The following FAM186A variants were observed in gnomAD, a reference collection of about 807,000 sequenced individuals.
The protein encoded by FAM186A is protein FAM186A.
FAM186A carries 163 observed loss-of-function variants against 216.8 expected under a neutral mutation model. That is an observed-to-expected ratio of 0.75 (90% confidence interval 0.66 to 0.86). The LOEUF is 0.86. Among genes scored for constraint, FAM186A ranks in the 40% least tolerant of loss-of-function variants. The pLI, the probability that FAM186A is intolerant of heterozygous loss-of-function variation, is 0.00. For synonymous variants in FAM186A, 805 were observed against 1,025.3 expected (o/e 0.79, Z 4.10); for missense variants, 2,184 against 2,746.2 (o/e 0.80, Z 4.58).
intron 3 of FAM186A, among the ~76,000 whole-genome samples, chr12:50,360,391 G>GT (rs35875720): frequency 0.33 from 48,300 of 146,138 alleles, 8,110 homozygotes; most frequent in South Asian, 0.48. Context: ...CAATAAAGCT[G>GT]TTTTTTTTTT....
chr12:50,358,319 G>A (rs1942997962), intron 3 of FAM186A, among the ~76,000 whole-genome samples: 1 of 152,130 alleles, frequency 6.6e-6, no homozygotes, highest in South Asian at 2.1e-4. Context: ...GGTGACTCAT[G>A]CCTATAATCC....
chr12:50,353,679 G>T lies in FAM186A; in HGVS notation c.3153C>A (p.Pro1051=), dbSNP rs1323003358. The change falls in exon 4 of 8, where the codon CCC becomes CCA. Residue 1051 remains proline, a synonymous_variant. Coordinates refer to ENST00000327337, the MANE Select transcript of FAM186A (RefSeq NM_001145475.3). ...DEKEPISITP[P]PSLQYSLPGA... The stretch of plus-strand genomic sequence containing the variant: ...CAGGCAGGGAGTATTGTAGGGAGGG[G>T]GGAGGTGTGATTGATATGGGCTCCT... 1.3e-6 allele frequency: 2 copies of T among 1,538,212 alleles called. No individual in the cohort carries two copies. The highest frequency in any genetic ancestry group is 1.8e-6 in the Non-Finnish European group (2 of 1,142,160).
At position 50,327,390 on chromosome 12, in the gene FAM186A, G is replaced by A; in HGVS notation, c.7049C>T (p.Pro2350Leu). The A allele has an allele frequency of 6.5e-7, 1 of 1,547,172 alleles. No homozygotes were observed. The highest frequency in any genetic ancestry group is 8.7e-7 in the Non-Finnish European group (1 of 1,144,116). Residue 2350 changes from proline to leucine, a missense_variant, in exon 8 of 8, where the codon CCC becomes CTC. Pro to Leu is a moderately conservative substitution (Grantham distance 98, BLOSUM62 -3). Around this residue, in one of 7 missense-constraint regions of FAM186A, gnomAD observed 721 missense variants for 816.4 expected, o/e 0.88. Transcript: ENST00000327337. ...TTGTATTTAATTTTACAGTCATTTG[G>A]GAATCTTCTTAACCCTGGAAATGAG... ...ASLQSRVKKIPK is the reference protein window; with the variant it reads ...ASLQSRVKKILK
At chr12:50,357,676 T>C (rs1045258957) in intron 3 of FAM186A, among the ~76,000 whole-genome samples, 26 of 152,174 alleles carry the variant, frequency 1.7e-4, no homozygotes, top group Non-Finnish European at 2.9e-5. Flanking sequence ...GAAGCATTTA[T>C]TCACGAAAAA....
intron 1 of FAM186A, among the ~76,000 whole-genome samples, chr12:50,388,345 G>A (rs765750999): frequency 6.6e-5 from 10 of 152,160 alleles, no homozygotes; most frequent in Admixed American, 1.3e-4. Context: ...CCAGGCGGGC[G>A]CAGTGGCTCA....
At chr12:50,376,202 A>G (rs1943196675) in intron 1 of FAM186A, among the ~76,000 whole-genome samples, 1 of 152,196 alleles carries the variant, frequency 6.6e-6, no homozygotes, top group African/African-American at 2.4e-5. Flanking sequence ...GTCCGGGGGC[A>G]TGTCACAACC....
intron 4 of FAM186A, among the ~76,000 whole-genome samples, chr12:50,335,927 C>T (rs1353382786): frequency 6.6e-6 from 1 of 151,872 alleles, no homozygotes; most frequent in Non-Finnish European, 1.5e-5. Flanking sequence ...GGCTCCAGAC[C>T]AGACTGACCA....
At chr12:50,376,081 C>A (rs1235975504) in intron 1 of FAM186A, among the ~76,000 whole-genome samples, 2 of 152,162 alleles carry the variant, frequency 1.3e-5, no homozygotes, top group Non-Finnish European at 2.9e-5. Flanking sequence ...ACCAGACATA[C>A]CACAAGCAGG....
chr12:50,355,622 T>C lies in FAM186A; in HGVS notation c.1210A>G (p.Thr404Ala). The change falls in exon 4 of 8, where the codon ACT (threonine) becomes GCT (alanine). Residue 404 changes from threonine (T) to alanine (A), a missense_variant. Thr to Ala is a moderately conservative substitution (Grantham distance 58, BLOSUM62 0). Coordinates refer to ENST00000327337, the MANE Select transcript of FAM186A (RefSeq NM_001145475.3). The part of the protein sequence containing the change: ...TKDSGIKWDS[T>A]ISYTAQAERT... Reference sequence around the variant, plus strand: ...TCAGCTTGGGCTGTATATGAAATAGTGGAGTCCCATTTTATCCCAGAGTCC... The same window carrying C: ...TCAGCTTGGGCTGTATATGAAATAGCGGAGTCCCATTTTATCCCAGAGTCC... 6.4e-7 allele frequency: 1 copy of C among 1,551,634 alleles called. No individual in the cohort carries two copies. Among genetic ancestry groups the C allele is most frequent in the Non-Finnish European group, 8.7e-7 (1 of 1,146,988 alleles).
At chr12:50,389,691 G>A (rs554019188) in intron 1 of FAM186A, among the ~76,000 whole-genome samples, 93 of 152,232 alleles carry the variant, frequency 6.1e-4, no homozygotes, top group African/African-American at 2.2e-3. Context: ...CGGCATACCA[G>A]GAACCAGGGA....
rs759931377 is a variant in FAM186A, at chr12:50,396,461, C to T, written c.24G>A (p.Glu8=). The T allele has an allele frequency of 1.1e-5, 17 of 1,536,304 alleles. No homozygotes were observed. Among genetic ancestry groups the T allele is most frequent in the South Asian group, 8.7e-5 (7 of 80,196 alleles). ...TTTCTGATTCAGGGTCATTGTCTATCTCATTTTTCATTTTGAAGAACATTT... is the reference window on the plus strand; with the variant it reads ...TTTCTGATTCAGGGTCATTGTCTATTTCATTTTTCATTTTGAAGAACATTT... MFFKMKN[E]IDNDPESEKC... Residue 8 remains glutamate, a synonymous_variant, in exon 1 of 8, where the codon GAG becomes GAA. Transcript: ENST00000327337.
intron 1 of FAM186A, among the ~76,000 whole-genome samples, chr12:50,389,525 G>T (rs533809790): frequency 1.6e-4 from 25 of 152,210 alleles, no homozygotes; most frequent in African/African-American, 5.5e-4. Flanking sequence ...CCTTGGGCCA[G>T]ATGGTTTTGC....
At chr12:50,370,372 T>C (rs928702395) in intron 1 of FAM186A, among the ~76,000 whole-genome samples, 1 of 151,768 alleles carries the variant, frequency 6.6e-6, no homozygotes, top group Non-Finnish European at 1.5e-5. Flanking sequence ...AAAAAAGATA[T>C]ACAAATGGCC....
At chr12:50,341,482 A>G (rs561491553) in intron 4 of FAM186A, among the ~76,000 whole-genome samples, 1 of 152,192 alleles carries the variant, frequency 6.6e-6, no homozygotes, top group Non-Finnish European at 1.5e-5. Context: ...TTTTACTGAG[A>G]CAGGTCAGAT....
intron 1 of FAM186A, among the ~76,000 whole-genome samples, chr12:50,394,951 A>G (rs752281938): frequency 3.3e-5 from 5 of 150,998 alleles, no homozygotes; most frequent in Non-Finnish European, 7.4e-5. Context: ...GATGGTCTCA[A>G]ACTCCTGGGC....
intron 1 of FAM186A, among the ~76,000 whole-genome samples, chr12:50,393,187 G>C (rs942255794): frequency 6.6e-6 from 1 of 151,888 alleles, no homozygotes; most frequent in African/African-American, 2.4e-5. Flanking sequence ...CGCCTCCAAA[G>C]TGCTGGGATT....
In FAM186A at chr12:50,363,175, C is replaced by T. The variant is rs1207915673; in HGVS notation, c.382G>A (p.Ala128Thr). 7.7e-6 allele frequency: 12 copies of T among 1,550,712 alleles called. No homozygotes were observed. Among genetic ancestry groups the T allele is most frequent in the Non-Finnish European group, 9.6e-6 (11 of 1,146,730 alleles). The change falls in exon 2 of 8, where the codon GCC (alanine) becomes ACC (threonine). Residue 128 changes from alanine to threonine, a missense_variant. Ala to Thr is a moderately conservative substitution (Grantham distance 58, BLOSUM62 0). This residue lies in a region of FAM186A where 1,132 missense variants were observed against 1,263.4 expected (regional missense o/e 0.90). Coordinates refer to ENST00000327337, the MANE Select transcript of FAM186A (RefSeq NM_001145475.3). ...TCTTCCAACCAGGCCAGAATGTTGG[C>T]AAGAGTCTTTTCTCTTATTTCAATA... ...KTIEIREKTL[A>T]NILAWLEEWN...
chr12:50,348,140 G>T (rs1262788055), intron 4 of FAM186A, among the ~76,000 whole-genome samples: 1 of 150,218 alleles, frequency 6.7e-6, no homozygotes, highest in Non-Finnish European at 1.5e-5. Flanking sequence ...CACCTCCCGG[G>T]TTCAAACGAT....
At chr12:50,384,125 G>A (rs1265004080) in intron 1 of FAM186A, among the ~76,000 whole-genome samples, 1 of 151,800 alleles carries the variant, frequency 6.6e-6, no homozygotes, top group African/African-American at 2.4e-5. Context: ...TCAAAAAAAA[G>A]AAAGAAAGAA....
Sources: gnomAD v4.1 joint callset for allele counts (sites outside exome capture counted in the v4.1 genomes callset) on GRCh38, gnomAD v4.1.1 for gene constraint, gnomAD v4.1.1 regional missense constraint, MANE v1.5 for transcripts, NCBI Gene and HGNC (gene_info 2026-07-23, HGNC 2026-07-21) for gene names.